The following CHAF1A variants were observed in gnomAD, a reference collection of about 807,000 sequenced individuals.
CHAF1A encodes the protein chromatin assembly factor 1 subunit A.
Under a neutral mutation model 93.2 loss-of-function variants are expected in CHAF1A, and 5 were observed. That is an observed-to-expected ratio of 0.05 (90% CI 0.03 to 0.11). The LOEUF (loss-of-function observed/expected upper bound fraction) is 0.11, where lower values mean the gene tolerates loss of function less well. Among genes scored for constraint, CHAF1A ranks in the 10% least tolerant of loss-of-function variants. The pLI, the probability that CHAF1A is intolerant of heterozygous loss-of-function variation, is 1.00. For synonymous variants in CHAF1A, 504 were observed against 510.3 expected, an observed-to-expected ratio of 0.99 and a Z score of 0.17; for missense variants, 1,102 against 1,259.9, an observed-to-expected ratio of 0.87 and a Z score of 1.90.
chr19:4,447,007 G>T, downstream of CHAF1A: 1 of 1,315,944 alleles, frequency 7.6e-7, no homozygotes, highest in Non-Finnish European at 1.1e-6. Context: ...CCCGGCTCTC[G>T]CTATTGGGAG....
In CHAF1A at chr19:4,411,644, C is replaced by CT. The variant is rs66491258; in HGVS notation, c.960+1906dup. Among the ~76,000 whole-genome samples, 31 of 48,186 alleles carry CT rather than the reference C, an allele frequency of 6.4e-4. 6 individuals carry two copies. The highest frequency in any genetic ancestry group is 3.1e-3 in the South Asian group (4 of 1,270). 31.6% of individuals were successfully genotyped at this position (48,186 alleles called of 152,430 possible). On this transcript the variant is annotated intron_variant, in intron 3 of 14. Coordinates refer to ENST00000301280, the MANE Select transcript of CHAF1A (RefSeq NM_005483.3). ...GAAATGTTGTAAAAATGGTGCAAATCTTTTTTTTTTTTTTTTTTTTTGAGA... is the reference window on the plus strand; with the variant it reads ...GAAATGTTGTAAAAATGGTGCAAATCTTTTTTTTTTTTTTTTTTTTTTGAGA...
intron 13 of CHAF1A, 140 bp from the exon 14 acceptor site, chr19:4,442,105 A>G (rs1974401331): frequency 4.5e-6 from 3 of 663,648 alleles, no homozygotes; most frequent in Non-Finnish European, 8.2e-6. Flanking sequence ...TTGTTACCAA[A>G]TTGGGTTCTG....
At position 4,430,527 on chromosome 19, in the gene CHAF1A, CTT is replaced by C. The variant is rs3831749; in HGVS notation, c.1855-13_1855-12del. On this transcript the variant is annotated intron_variant, in intron 10 of 14. Transcript: ENST00000301280. Reference sequence around the variant, plus strand: ...ACTCTGCTTTTCTATCTGATGAACTCTTTTTTTTTTCTCCTTTTGAGGATGAT... The same window carrying C: ...ACTCTGCTTTTCTATCTGATGAACTCTTTTTTTTCTCCTTTTGAGGATGAT... 9 of 1,375,334 alleles carry C rather than the reference CTT, an allele frequency of 6.5e-6. No homozygotes were observed. Among genetic ancestry groups the C allele is most frequent in the Admixed American group, 5.5e-5 (3 of 54,820 alleles). 85.2% of individuals were successfully genotyped at this position (1,375,334 alleles called of 1,614,324 possible). A position where few individuals can be genotyped will look rare whatever the true frequency, so the allele number is the denominator to read the frequency against.
chr19:4,419,269 G>A (rs1333629588), intron 4 of CHAF1A, among the ~76,000 whole-genome samples: 1 of 152,080 alleles, frequency 6.6e-6, no homozygotes, highest in East Asian at 1.9e-4. Flanking sequence ...GAAGGCCTCT[G>A]GGCTTTGCCT....
At chr19:4,403,355 C>CTT (rs1226004125) in intron 1 of CHAF1A, among the ~76,000 whole-genome samples, 2 of 152,214 alleles carry the variant, frequency 1.3e-5, no homozygotes, top group African/African-American at 4.8e-5. Flanking sequence ...CTTCCTCCTC[C>CTT]GTGTGCCTTG....
downstream of CHAF1A, chr19:4,447,339 G>A (rs1316655204): frequency 3.4e-6 from 2 of 596,404 alleles, no homozygotes; most frequent in African/African-American, 1.9e-5. Context: ...AGGAGAGGCA[G>A]AATTTGTTGA....
intron 4 of CHAF1A, among the ~76,000 whole-genome samples, chr19:4,421,766 CTT>C (rs1973994162): frequency 6.6e-6 from 1 of 152,142 alleles, no homozygotes; most frequent in African/African-American, 2.4e-5. Flanking sequence ...ACAGAGTAGA[CTT>C]TGTCTCAAGA....
At chr19:4,441,132 C>CATT (rs1974380685) in intron 13 of CHAF1A, among the ~76,000 whole-genome samples, 1 of 151,866 alleles carries the variant, frequency 6.6e-6, no homozygotes, top group South Asian at 2.1e-4. Context: ...AGCCTGGCAA[C>CATT]ATGGTGAAAC....
In CHAF1A at chr19:4,442,315, T is replaced by C; in HGVS notation, c.2744T>C (p.Met915Thr). The C allele has an allele frequency of 4.4e-6, 7 of 1,607,432 alleles. No homozygotes were observed. Among genetic ancestry groups the C allele is most frequent in the Non-Finnish European group, 5.9e-6 (7 of 1,176,532 alleles). Residue 915 changes from methionine (M) to threonine (T), a missense_variant, in exon 14 of 15, where the codon ATG (methionine) becomes ACG (threonine). Transcript: ENST00000301280. Reference sequence around the variant, plus strand: ...GAGGAAGAGGAGGAGGGCGACTGTATGATCGTGGATGTCCCGGATGCTGCG... The same window carrying C: ...GAGGAAGAGGAGGAGGGCGACTGTACGATCGTGGATGTCCCGGATGCTGCG... ...EEEEEEEGDC[M>T]IVDVPDAAEV... is the part of the protein sequence containing the mutation.
intron 13 of CHAF1A, among the ~76,000 whole-genome samples, chr19:4,438,621 A>T (rs1974330040): frequency 6.6e-6 from 1 of 152,228 alleles, no homozygotes; most frequent in Admixed American, 6.5e-5. Flanking sequence ...TTATTTAAAA[A>T]TTTTAAAATA....
At chr19:4,432,526 C>T (rs1974203880) in intron 12 of CHAF1A, among the ~76,000 whole-genome samples, 1 of 152,012 alleles carries the variant, frequency 6.6e-6, no homozygotes, top group Admixed American at 6.6e-5. Flanking sequence ...TTTGGGAGGC[C>T]AAGGTGGGAG....
Position 4,431,932 on chromosome 19 carries a change from TC to T in CHAF1A, c.1948-19del. 1 of 1,582,944 alleles carries T rather than the reference TC, an allele frequency of 6.3e-7. No homozygotes were observed. Among genetic ancestry groups the T allele is most frequent in the Non-Finnish European group, 8.6e-7 (1 of 1,159,380 alleles). On this transcript the variant is annotated intron_variant, in intron 11 of 14. Transcript: ENST00000301280. Reference sequence around the variant, plus strand: ...GGGGAGCAAGAACCCCAAATAAACTTCTGCTTTCTAAACCACAAGGAGTGTG... The same window carrying T: ...GGGGAGCAAGAACCCCAAATAAACTTTGCTTTCTAAACCACAAGGAGTGTG...
Position 4,409,052 on chromosome 19 carries a change from A to G in CHAF1A, c.253A>G (p.Ile85Val), listed in dbSNP as rs754166460. ...LENNCHVGSD[I>V]DFRPKLVNGK... Reference sequence around the variant, plus strand: ...AAACAACTGTCATGTGGGTTCTGACATAGACTTTAGACCGAAACTTGTCAA... The same window carrying G: ...AAACAACTGTCATGTGGGTTCTGACGTAGACTTTAGACCGAAACTTGTCAA... The change falls in exon 3 of 15, where the codon ATA becomes GTA. Residue 85 changes from isoleucine (I) to valine (V), a missense_variant. Physicochemically the swap from Ile to Val is conservative, Grantham distance 29. Transcript: ENST00000301280. 21 of 1,614,226 alleles carry G rather than the reference A, an allele frequency of 1.3e-5. No homozygotes were observed. The highest frequency in any genetic ancestry group is 1.6e-4 in the Middle Eastern group (1 of 6,062).
In CHAF1A at chr19:4,422,937, G is replaced by T. The variant is rs1473594801; in HGVS notation, c.1247+142G>T. ...CCCATTTCTCCTTCGTGAGGTGCCC[G>T]TGGGGCCCTGACGTGGGAGCGGTGG... is the stretch of plus-strand genomic sequence containing the variant. On this transcript the variant is annotated intron_variant, in intron 5 of 14. Coordinates refer to ENST00000301280, the MANE Select transcript of CHAF1A (RefSeq NM_005483.3). This position sits in a 1 kb window ranked among gnomAD's most constrained non-coding sequence, Gnocchi z 4.6. 3 of 813,830 alleles carry T rather than the reference G, an allele frequency of 3.7e-6. No individual in the cohort carries two copies. The highest frequency in any genetic ancestry group is 5.8e-6 in the Non-Finnish European group (3 of 515,842). 50.4% of individuals were successfully genotyped at this position (813,830 alleles called of 1,614,324 possible). A position where few individuals can be genotyped will look rare whatever the true frequency, so the allele number is the denominator to read the frequency against.
intron 13 of CHAF1A, among the ~76,000 whole-genome samples, chr19:4,437,885 G>T (rs190358410): frequency 1.3e-5 from 2 of 152,010 alleles, no homozygotes; most frequent in Admixed American, 6.6e-5. Context: ...GACTACAGGC[G>T]CCCACCACCA....
Position 4,423,854 on chromosome 19 carries a change from A to G in CHAF1A, c.1357A>G (p.Lys453Glu). ...AEITRFFQKPKTPQAPKTLAG... is the reference protein window; with the variant it reads ...AEITRFFQKPETPQAPKTLAG... ...AATCACGAGGTTCTTCCAGAAACCA[A>G]AGACTCCACAGGCCCCCAAGGTGAG... The change falls in exon 7 of 15, where the codon AAG (lysine) becomes GAG (glutamate). Residue 453 changes from lysine (K) to glutamate (E), a missense_variant. Physicochemically the swap from Lys to Glu is moderately conservative, Grantham distance 56. Transcript: ENST00000301280. 6.2e-7 allele frequency: 1 copy of G among 1,614,120 alleles called. No individual in the cohort carries two copies. The highest frequency in any genetic ancestry group is 8.5e-7 in the Non-Finnish European group (1 of 1,179,964).
At chr19:4,447,419 T>A, downstream of CHAF1A, 2 of 969,316 alleles carry the variant, frequency 2.1e-6, no homozygotes, top group East Asian at 2.4e-5. Flanking sequence ...GCCGAACCCT[T>A]CACTGCTTGT....
intron 3 of CHAF1A, among the ~76,000 whole-genome samples, chr19:4,416,923 G>A (rs923670721): frequency 2.0e-5 from 3 of 152,072 alleles, no homozygotes; most frequent in Non-Finnish European, 2.9e-5. Flanking sequence ...AAAAAGCAGA[G>A]TTGAGCTAGA....
chr19:4,411,644 CTTTTTT>C (rs66491258), intron 3 of CHAF1A, among the ~76,000 whole-genome samples: 8 of 48,188 alleles, frequency 1.7e-4, no homozygotes, highest in East Asian at 4.8e-4. Flanking sequence ...TGGTGCAAAT[CTTTTTT>C]TTTTTTTTTT....
Sources: gnomAD v4.1 joint callset for allele counts (sites outside exome capture counted in the v4.1 genomes callset) on GRCh38, gnomAD v4.1.1 for gene constraint, Gnocchi (gnomAD v3.1) non-coding constraint, MANE v1.5 for transcripts, NCBI Gene and HGNC (gene_info 2026-07-23, HGNC 2026-07-21) for gene names.